The following KDM4C variants were observed in gnomAD, a reference collection of about 807,000 sequenced individuals.
KDM4C encodes lysine demethylase 4C.
A neutral mutation model predicts 129.3 loss-of-function variants in KDM4C; 81 were observed. That is an observed-to-expected ratio of 0.63 (90% confidence interval 0.52 to 0.75). The LOEUF is 0.75. Among genes scored for constraint, KDM4C ranks in the 30% least tolerant of loss-of-function variants. The probability of loss-of-function intolerance (pLI) is 0.00; values close to 1 mark genes in which losing one functional copy is unlikely to be tolerated. For synonymous variants in KDM4C, 573 were observed against 456.1 expected, an observed-to-expected ratio of 1.26 and a Z score of -3.26; for missense variants, 1,457 against 1,304.0, an observed-to-expected ratio of 1.12 and a Z score of -1.81.
At chr9:7,169,330 G>A (rs1439043743) in intron 20 of KDM4C, among the ~76,000 whole-genome samples, 1 of 151,978 alleles carries the variant, frequency 6.6e-6, no homozygotes, top group African/African-American at 2.4e-5. Context: ...TTTGTATTTA[G>A]TTTATTTATT....
chr9:7,083,711 ATGTGTGTG>A (rs142609948), intron 17 of KDM4C, among the ~76,000 whole-genome samples: 1,987 of 143,314 alleles, frequency 0.014, 59 homozygotes, highest in African/African-American at 0.049. Context: ...CACATGACTG[ATGTGTGTG>A]TGTGTGTGTG....
chr9:7,054,775 C>T (rs1397775650), intron 17 of KDM4C, among the ~76,000 whole-genome samples: 1 of 152,140 alleles, frequency 6.6e-6, no homozygotes, highest in Non-Finnish European at 1.5e-5. Context: ...GTAAATAAGC[C>T]AGCAGAGCAG....
intron 17 of KDM4C, among the ~76,000 whole-genome samples, chr9:7,094,752 T>G (rs932611557): frequency 3.3e-5 from 5 of 152,208 alleles, no homozygotes; most frequent in Non-Finnish European, 7.4e-5. Flanking sequence ...CATCACTGTT[T>G]CCTCAGTTTT....
intron 5 of KDM4C, among the ~76,000 whole-genome samples, chr9:6,871,059 G>C (rs575683819): frequency 2.0e-5 from 3 of 152,160 alleles, no homozygotes; most frequent in Non-Finnish European, 4.4e-5. Flanking sequence ...GAAACCATTT[G>C]TTCCTAAACA....
At chr9:6,865,393 AT>A (rs1841770251) in intron 5 of KDM4C, among the ~76,000 whole-genome samples, 2 of 152,130 alleles carry the variant, frequency 1.3e-5, no homozygotes. Context: ...GCTATCTTGA[AT>A]TCCTGATCAG....
intron 9 of KDM4C, among the ~76,000 whole-genome samples, chr9:6,983,308 A>T (rs1296836663): frequency 3.3e-5 from 5 of 152,104 alleles, no homozygotes; most frequent in African/African-American, 1.2e-4. Context: ...AATTGTTCCT[A>T]ATTGTTAGGA....
At chr9:6,959,039 G>T (rs1024123615) in intron 8 of KDM4C, among the ~76,000 whole-genome samples, 1 of 152,156 alleles carries the variant, frequency 6.6e-6, no homozygotes, top group African/African-American at 2.4e-5. Context: ...CCTTTTTAAA[G>T]CCTGGAGCCT....
intron 5 of KDM4C, among the ~76,000 whole-genome samples, chr9:6,861,753 C>G (rs1178052690): frequency 6.6e-6 from 1 of 151,598 alleles, no homozygotes; most frequent in Non-Finnish European, 1.5e-5. Flanking sequence ...CATAAAGTTA[C>G]TTTACAATAT....
At chr9:7,085,896 CT>C (rs1835058374) in intron 17 of KDM4C, among the ~76,000 whole-genome samples, 2 of 152,092 alleles carry the variant, frequency 1.3e-5, no homozygotes, top group South Asian at 4.2e-4. Flanking sequence ...TGGCTCATGC[CT>C]GTAATCCCAG....
chr9:6,936,100 C>A lies in KDM4C; in HGVS notation c.921+42868C>A, dbSNP rs1167437154. On this transcript the variant is annotated intron_variant, in intron 8 of 21. Coordinates refer to ENST00000381309, the MANE Select transcript of KDM4C (RefSeq NM_015061.6). ...AAATGGAAACTAGAATTATGTAGTG[C>A]CAGAAGGTAGCTTGAATATATGGAG... Among the ~76,000 whole-genome samples the A allele has an allele frequency of 2.0e-5, 3 of 151,878 alleles. No individual in the cohort carries two copies. In the East Asian group the frequency reaches 5.8e-4, roughly 29 times the overall value.
intron 1 of KDM4C, among the ~76,000 whole-genome samples, chr9:6,734,294 T>TG (rs1817450411): frequency 1.4e-5 from 2 of 145,946 alleles, no homozygotes; most frequent in South Asian, 4.3e-4. Context: ...TTTGGTTTTT[T>TG]TTTTTTTTTT....
In KDM4C at chr9:7,169,843, A is replaced by G. The variant is rs1288604391; in HGVS notation, c.2947A>G (p.Ile983Val). The part of the protein sequence containing the change: ...GSQIAMKRED[I>V]YTLDEELPKR... ...CCAGATAGCAATGAAGAGAGAGGAC[A>G]TCTACACTTTAGATGAAGAGTTACC... The change falls in exon 21 of 22, where the codon ATC (isoleucine) becomes GTC (valine). Residue 983 changes from isoleucine to valine, a missense_variant. Physicochemically the swap from Ile to Val is conservative, Grantham distance 29. Coordinates refer to ENST00000381309, the MANE Select transcript of KDM4C (RefSeq NM_015061.6). 3.1e-6 allele frequency: 5 copies of G among 1,613,730 alleles called. No homozygotes were observed. The South Asian group carries it at 3.3e-5, about 11-fold the overall frequency.
At chr9:6,907,756 A>G (rs1361225345) in intron 8 of KDM4C, among the ~76,000 whole-genome samples, 3 of 152,242 alleles carry the variant, frequency 2.0e-5, no homozygotes, top group Non-Finnish European at 2.9e-5. Context: ...TTCTGTGTTG[A>G]AACTATATTC....
At chr9:6,960,136 A>G (rs939710322) in intron 8 of KDM4C, among the ~76,000 whole-genome samples, 5 of 152,094 alleles carry the variant, frequency 3.3e-5, no homozygotes, top group Non-Finnish European at 7.4e-5. Context: ...AGCTTGGCCA[A>G]TATTCCTTTC....
chr9:6,996,200 A>G (rs1411391083), intron 12 of KDM4C, among the ~76,000 whole-genome samples: 1 of 152,214 alleles, frequency 6.6e-6, no homozygotes, highest in Non-Finnish European at 1.5e-5. Context: ...AAGCCATGGC[A>G]AGCTTCTTCT....
At chr9:6,932,938 A>G (rs908423618) in intron 8 of KDM4C, among the ~76,000 whole-genome samples, 2 of 152,226 alleles carry the variant, frequency 1.3e-5, no homozygotes, top group Admixed American at 6.5e-5. Flanking sequence ...ACCATCTTTC[A>G]TGCATTAAGT....
At chr9:7,025,953 C>A (rs1825741070) in intron 15 of KDM4C, among the ~76,000 whole-genome samples, 1 of 152,090 alleles carries the variant, frequency 6.6e-6, no homozygotes, top group Non-Finnish European at 1.5e-5. Flanking sequence ...GCCTGTAATC[C>A]CAGCACTCTG....
chr9:7,116,335 A>G (rs1414638694), intron 18 of KDM4C, among the ~76,000 whole-genome samples: 2 of 119,088 alleles, frequency 1.7e-5, no homozygotes, highest in Non-Finnish European at 3.6e-5. Flanking sequence ...TTTTAATTAT[A>G]CCTTAAAAAT....
intron 17 of KDM4C, chr9:7,076,994 C>CT (rs1316591837): frequency 4.1e-6 from 4 of 985,540 alleles, no homozygotes; most frequent in Middle Eastern, 1.0e-3. Flanking sequence ...AGAATCCACT[C>CT]TATGTCTGTC....
Sources: gnomAD v4.1 joint callset for allele counts (sites outside exome capture counted in the v4.1 genomes callset) on GRCh38, gnomAD v4.1.1 for gene constraint, MANE v1.5 for transcripts, NCBI Gene and HGNC (gene_info 2026-07-23, HGNC 2026-07-21) for gene names.